Variants in NCAM2 observed in about 807,000 individuals in gnomAD.
The protein encoded by NCAM2 is neural cell adhesion molecule 2.
NCAM2 carries 30 observed loss-of-function variants against 98.1 expected under a neutral mutation model. The observed-to-expected ratio is 0.31, with a 90% CI of 0.23 to 0.41. The LOEUF is 0.41. Among genes scored for constraint, NCAM2 ranks in the 10% least tolerant of loss-of-function variants. The pLI is 1.00. For synonymous variants in NCAM2, 368 were observed against 342.4 expected (o/e 1.07, Z -0.83); for missense variants, 867 against 1,005.8 (o/e 0.86, Z 1.87).
rs577221437 is a variant in NCAM2 at position 21,332,007 on chromosome 21, A to T, written c.738-3498A>T. Among the ~76,000 whole-genome samples, 13 of 151,972 alleles carry T rather than the reference A, an allele frequency of 8.6e-5. No homozygotes were observed. The South Asian group carries it at 1.9e-3, about 22-fold the overall frequency. Reference sequence around the variant, plus strand: ...AACCTCCACCTCCCAGATTCAAGTGATTCTCTTGCTTCAACCTCCCAAGTA... The same window carrying T: ...AACCTCCACCTCCCAGATTCAAGTGTTTCTCTTGCTTCAACCTCCCAAGTA... On this transcript the variant is annotated intron_variant, in intron 6 of 17. Coordinates refer to ENST00000400546, the MANE Select transcript of NCAM2 (RefSeq NM_004540.5).
rs533519332 is a variant in NCAM2, at chr21:21,440,732, G to T, written c.1654+8451G>T. Among the ~76,000 whole-genome samples the T allele has an allele frequency of 2.7e-5, 4 of 148,512 alleles. No homozygotes were observed. In the South Asian group the frequency reaches 8.5e-4, roughly 32 times the overall value. ...AGAAAAGAAAAAACAGAGAAGGAGA[G>T]AAAAAGAAAAAAGAAAAGAAAAAAA... is the stretch of plus-strand genomic sequence containing the variant. On this transcript the variant is annotated intron_variant, in intron 12 of 17. Transcript: ENST00000400546.
intron 1 of NCAM2, among the ~76,000 whole-genome samples, chr21:21,174,736 A>T (rs964157238): frequency 4.6e-4 from 69 of 151,506 alleles, no homozygotes; most frequent in Non-Finnish European, 7.8e-4. Context: ...ACAGGAAATT[A>T]AAAAAAAATA....
rs1368121260 is a variant in NCAM2 at position 21,539,998 on chromosome 21, T to C, written c.*2041T>C. On this transcript the variant is annotated 3_prime_UTR_variant, in exon 18 of 18. Coordinates refer to ENST00000400546, the MANE Select transcript of NCAM2 (RefSeq NM_004540.5). ...GTTTGTGCAAAGTGTACAAGCTTAGTAAAGTGTCCATGAAGCAATAGCCAT... is the reference window on the plus strand; with the variant it reads ...GTTTGTGCAAAGTGTACAAGCTTAGCAAAGTGTCCATGAAGCAATAGCCAT... 2 of 152,150 alleles carry C rather than the reference T, an allele frequency of 1.3e-5. No individual in the cohort carries two copies. The highest frequency in any genetic ancestry group is 2.9e-5 in the Non-Finnish European group (2 of 68,032). 9.4% of individuals were successfully genotyped at this position (152,150 alleles called of 1,614,324 possible).
At chr21:21,476,212 AT>A (rs1482894368) in intron 14 of NCAM2, among the ~76,000 whole-genome samples, 1 of 152,146 alleles carries the variant, frequency 6.6e-6, no homozygotes, top group East Asian at 1.9e-4. Flanking sequence ...ATTTATTTAT[AT>A]TTATACCCTG....
chr21:21,008,583 A>G (rs2146126661), intron 1 of NCAM2, among the ~76,000 whole-genome samples: 1 of 152,212 alleles, frequency 6.6e-6, no homozygotes, highest in East Asian at 1.9e-4. Flanking sequence ...TGATATAAAT[A>G]TTTTACTTTA....
intron 1 of NCAM2, among the ~76,000 whole-genome samples, chr21:21,019,558 A>G (rs1332550651): frequency 2.0e-5 from 3 of 152,224 alleles, no homozygotes; most frequent in South Asian, 4.1e-4. Flanking sequence ...GGATAATAAT[A>G]TTAGTGCTAT....
intron 1 of NCAM2, among the ~76,000 whole-genome samples, chr21:21,202,048 G>T (rs1363630404): frequency 2.0e-5 from 3 of 152,164 alleles, no homozygotes; most frequent in Non-Finnish European, 4.4e-5. Context: ...CTGGAGTTGA[G>T]AAGCACAAGC....
chr21:21,208,397 G>A (rs1315493498), intron 1 of NCAM2, among the ~76,000 whole-genome samples: 1 of 152,108 alleles, frequency 6.6e-6, no homozygotes. Flanking sequence ...TGGAATTGAT[G>A]TCTCTGTTGT....
intron 1 of NCAM2, among the ~76,000 whole-genome samples, chr21:21,097,510 AT>A (rs144148583): frequency 2.6e-5 from 4 of 151,650 alleles, no homozygotes; most frequent in Non-Finnish European, 4.4e-5. Context: ...ACAGAGATAC[AT>A]TTTTTATATG....
At chr21:21,434,868 G>A (rs915150423) in intron 12 of NCAM2, among the ~76,000 whole-genome samples, 9 of 152,150 alleles carry the variant, frequency 5.9e-5, no homozygotes, top group African/African-American at 2.2e-4. Flanking sequence ...TCTTGGGAAG[G>A]TGAAAGAGAT....
chr21:21,494,253 T>G (rs1197284246), intron 15 of NCAM2, among the ~76,000 whole-genome samples: 1 of 151,906 alleles, frequency 6.6e-6, no homozygotes, highest in Non-Finnish European at 1.5e-5. Context: ...AAATATGAAC[T>G]GAAGTATAAT....
intron 9 of NCAM2, among the ~76,000 whole-genome samples, chr21:21,402,533 G>A (rs2076654803): frequency 6.6e-6 from 1 of 152,050 alleles, no homozygotes; most frequent in African/African-American, 2.4e-5. Flanking sequence ...CCCTTATCAG[G>A]AGTTTCTGAT....
chr21:21,149,578 C>A (rs539316265), intron 1 of NCAM2, among the ~76,000 whole-genome samples: 2 of 151,898 alleles, frequency 1.3e-5, no homozygotes, highest in African/African-American at 4.8e-5. Flanking sequence ...CCCCCCACCC[C>A]CCGACAGGGC....
At chr21:21,112,516 A>G (rs2066474425) in intron 1 of NCAM2, among the ~76,000 whole-genome samples, 1 of 152,194 alleles carries the variant, frequency 6.6e-6, no homozygotes, top group Non-Finnish European at 1.5e-5. Flanking sequence ...CATACTTTAA[A>G]TACACCTCAA....
At chr21:21,055,808 G>A (rs2065198685) in intron 1 of NCAM2, among the ~76,000 whole-genome samples, 1 of 151,908 alleles carries the variant, frequency 6.6e-6, no homozygotes, top group Non-Finnish European at 1.5e-5. Context: ...AGTAATAATC[G>A]AGCCTAACTC....
At chr21:21,405,761 G>A (rs1714899116) in intron 9 of NCAM2, among the ~76,000 whole-genome samples, 1 of 151,964 alleles carries the variant, frequency 6.6e-6, no homozygotes, top group Admixed American at 6.6e-5. Context: ...AAACAATATT[G>A]CAACAAATTT....
intron 1 of NCAM2, among the ~76,000 whole-genome samples, chr21:21,262,289 C>A (rs2071935554): frequency 6.6e-6 from 1 of 152,048 alleles, no homozygotes; most frequent in Non-Finnish European, 1.5e-5. Flanking sequence ...CAAAGCAGAG[C>A]TAGTACTAAT....
chr21:21,050,342 A>G (rs965356255), intron 1 of NCAM2, among the ~76,000 whole-genome samples: 1 of 152,182 alleles, frequency 6.6e-6, no homozygotes, highest in Non-Finnish European at 1.5e-5. Flanking sequence ...TAAGTCAGGG[A>G]TTATGTACCA....
rs190027280 is a variant in NCAM2 at position 21,184,413 on chromosome 21, A to G, written c.56-96165A>G. Among the ~76,000 whole-genome samples the G allele has an allele frequency of 4.2e-4, 64 of 152,254 alleles. No homozygotes were observed. The East Asian group carries it at 0.012, about 28-fold the overall frequency. On this transcript the variant is annotated intron_variant, in intron 1 of 17. Transcript: ENST00000400546. The stretch of plus-strand genomic sequence containing the variant: ...TGTGGAGTACATTTTGGTACTTTAA[A>G]GGCTGGTAGCATCATACAATGGTTC...
Sources: gnomAD v4.1 joint callset for allele counts (sites outside exome capture counted in the v4.1 genomes callset) on GRCh38, gnomAD v4.1.1 for gene constraint, MANE v1.5 for transcripts, NCBI Gene and HGNC (gene_info 2026-07-23, HGNC 2026-07-21) for gene names.